S1PR1: variants seen among roughly 807,000 people sequenced by gnomAD.
S1PR1 encodes sphingosine 1-phosphate receptor 1.
S1PR1 carries 2 observed loss-of-function variants against 18.3 expected under a neutral mutation model. The observed-to-expected ratio is 0.11, with a 90% confidence interval of 0.04 to 0.34. The LOEUF (loss-of-function observed/expected upper bound fraction) is 0.34. Ranked by LOEUF, S1PR1 falls within the 10% of genes least tolerant of loss-of-function variation. S1PR1 has a pLI of 1.00. For synonymous variants in S1PR1, 222 were observed against 211.2 expected, an observed-to-expected ratio of 1.05 and a Z score of -0.44; for missense variants, 335 against 493.8, an observed-to-expected ratio of 0.68 and a Z score of 3.05.
chr1:101,238,882 C>T lies in S1PR1; in HGVS notation c.-103C>T, dbSNP rs1652794909. On this transcript the variant is annotated 5_prime_UTR_variant, in exon 2 of 2. Coordinates refer to ENST00000305352, the MANE Select transcript of S1PR1 (RefSeq NM_001400.5). Reference sequence around the variant, plus strand: ...AGCTACACAAAAAGCCTGGATCACTCATCGAACCACCCCTGAAGCCAGTGA... The same window carrying T: ...AGCTACACAAAAAGCCTGGATCACTTATCGAACCACCCCTGAAGCCAGTGA... 8.6e-7 allele frequency: 1 copy of T among 1,157,738 alleles called. No homozygotes were observed. Among genetic ancestry groups the T allele is most frequent in the Non-Finnish European group, 1.2e-6 (1 of 838,892 alleles). The allele number at this position is 1,157,738 out of a possible 1,614,324, so 71.7% of individuals were successfully genotyped here.
rs1172495787 is a variant in S1PR1, at chr1:101,241,318, T to C, written c.*1185T>C. ...CTTTTCAGTCCAGCTATTCATTAGA[T>C]AGTAATTGAAGATATGTATAAATAT... On this transcript the variant is annotated 3_prime_UTR_variant, in exon 2 of 2. Transcript: ENST00000305352. 1 of 167,228 alleles carries C rather than the reference T, an allele frequency of 6.0e-6. No homozygotes were observed. Among genetic ancestry groups the C allele is most frequent in the Non-Finnish European group, 1.5e-5 (1 of 68,120 alleles). The allele number at this position is 167,228 out of a possible 1,614,324, so 10.4% of individuals were successfully genotyped here.
At position 101,240,162 on chromosome 1, in the gene S1PR1, G is replaced by T. The variant is rs202216527; in HGVS notation, c.*29G>T. The T allele has an allele frequency of 2.4e-5, 38 of 1,611,310 alleles. No individual in the cohort carries two copies. In the East Asian group the frequency reaches 8.5e-4, roughly 36 times the overall value. ...TGGAAGCTGTCCACCCACCGGAAGC[G>T]CTCTTTACTTGGTCGCTGGCCACCC... On this transcript the variant is annotated 3_prime_UTR_variant, in exon 2 of 2. Coordinates refer to ENST00000305352, the MANE Select transcript of S1PR1 (RefSeq NM_001400.5).
Position 101,238,980 on chromosome 1 carries a change from G to A in S1PR1, c.-5G>A, listed in dbSNP as rs1195807314. The A allele has an allele frequency of 6.2e-7, 1 of 1,609,694 alleles. No homozygotes were observed. Among genetic ancestry groups the A allele is most frequent in the African/African-American group, 1.3e-5 (1 of 74,862 alleles). On this transcript the variant is annotated 5_prime_UTR_variant, in exon 2 of 2. Coordinates refer to ENST00000305352, the MANE Select transcript of S1PR1 (RefSeq NM_001400.5). ...CCGGCTTCCTGGGGACACAGGGTTGGCACCATGGGGCCCACCAGCGTCCCG... is the reference window on the plus strand; with the variant it reads ...CCGGCTTCCTGGGGACACAGGGTTGACACCATGGGGCCCACCAGCGTCCCG...
At chr1:101,237,731 C>G (rs1007831339) in intron 1 of S1PR1, among the ~76,000 whole-genome samples, 1 of 152,112 alleles carries the variant, frequency 6.6e-6, no homozygotes, top group African/African-American at 2.4e-5. Context: ...AAACTGCCCA[C>G]GCAAATTTAG....
chr1:101,240,048 C>T lies in S1PR1; in HGVS notation c.1064C>T (p.Ser355Leu), dbSNP rs1557708024. Residue 355 changes from serine (S) to leucine (L), a missense_variant, in exon 2 of 2, where the codon TCG becomes TTG. This residue lies in a region of S1PR1 where 90 missense variants were observed against 97.6 expected (regional missense o/e 0.92). Transcript: ENST00000305352. ...GGCATGGAATTCAGCCGCAGCAAATCGGACAATTCCTCCCACCCCCAGAAA... is the reference window on the plus strand; with the variant it reads ...GGCATGGAATTCAGCCGCAGCAAATTGGACAATTCCTCCCACCCCCAGAAA... ...IAGMEFSRSKSDNSSHPQKDE... is the reference protein window; with the variant it reads ...IAGMEFSRSKLDNSSHPQKDE... 1.9e-6 allele frequency: 3 copies of T among 1,613,690 alleles called. No individual in the cohort carries two copies. Among genetic ancestry groups the T allele is most frequent in the Non-Finnish European group, 2.5e-6 (3 of 1,180,054 alleles).
At position 101,240,255 on chromosome 1, in the gene S1PR1, G is replaced by A. The variant is rs900412823; in HGVS notation, c.*122G>A. ...GAGGAGCTGCTGCAAGCCAGAGGGA[G>A]GAAGGGGGAGAATACGAACAGCCTG... is the stretch of plus-strand genomic sequence containing the variant. On this transcript the variant is annotated 3_prime_UTR_variant, in exon 2 of 2. Transcript: ENST00000305352. The A allele has an allele frequency of 8.7e-6, 9 of 1,028,798 alleles. No individual in the cohort carries two copies. The highest frequency in any genetic ancestry group is 1.3e-5 in the Non-Finnish European group (9 of 697,846). 63.7% of individuals were successfully genotyped at this position (1,028,798 alleles called of 1,614,324 possible).
At chr1:101,241,570 T>C (rs12090529), downstream of S1PR1, 22,491 of 165,572 alleles carry the variant, frequency 0.14, 2,430 homozygotes, top group African/African-American at 0.27. Flanking sequence ...TCTACTGGAT[T>C]GTGTAGCTCT....
In S1PR1 at chr1:101,238,864, C is replaced by T. The variant is rs200531163; in HGVS notation, c.-121C>T. The T allele has an allele frequency of 3.1e-6, 3 of 960,746 alleles. No homozygotes were observed. The highest frequency in any genetic ancestry group is 4.5e-6 in the Non-Finnish European group (3 of 663,448). 59.5% of individuals were successfully genotyped at this position (960,746 alleles called of 1,614,324 possible). A position where few individuals can be genotyped will look rare whatever the true frequency, so the allele number is the denominator to read the frequency against. On this transcript the variant is annotated 5_prime_UTR_variant, in exon 2 of 2. Transcript: ENST00000305352. ...CCTCTCCAGCCAAGGAAAAGCTACA[C>T]AAAAAGCCTGGATCACTCATCGAAC...
Position 101,239,187 on chromosome 1 carries a change from T to G in S1PR1, c.203T>G (p.Leu68Arg). The change falls in exon 2 of 2, where the codon CTG becomes CGG. Residue 68 changes from leucine to arginine, a missense_variant. By Grantham distance (102) the Leu-to-Arg change is moderately radical (BLOSUM62 -2). This residue lies in a region of S1PR1 where 214 missense variants were observed against 366.6 expected (regional missense o/e 0.58). Transcript: ENST00000305352. This position sits in a 1 kb window ranked among gnomAD's most constrained non-coding sequence, Gnocchi z 6.3. The part of the protein sequence containing the change: ...FIILENIFVL[L>R]TIWKTKKFHR... ...ATCCTGGAGAACATCTTTGTCTTGC[T>G]GACCATTTGGAAAACCAAGAAATTC... 3 of 1,614,258 alleles carry G rather than the reference T, an allele frequency of 1.9e-6. No individual in the cohort carries two copies. The highest frequency in any genetic ancestry group is 2.5e-6 in the Non-Finnish European group (3 of 1,180,040).
In S1PR1 at chr1:101,239,249, C is replaced by G; in HGVS notation, c.265C>G (p.Leu89Val). 6.2e-7 allele frequency: 1 copy of G among 1,614,182 alleles called. No homozygotes were observed. The highest frequency in any genetic ancestry group is 8.5e-7 in the Non-Finnish European group (1 of 1,180,040). Residue 89 changes from leucine (L) to valine (V), a missense_variant, in exon 2 of 2, where the codon CTC becomes GTC. This residue lies in a region of S1PR1 where 214 missense variants were observed against 366.6 expected (regional missense o/e 0.58). Transcript: ENST00000305352. The surrounding 1 kb of genome is among the most constrained non-coding windows in gnomAD (Gnocchi z 6.3). Reference protein sequence around the residue: ...PMYYFIGNLALSDLLAGVAYT... With the variant: ...PMYYFIGNLAVSDLLAGVAYT... ...GTACTATTTTATTGGCAATCTGGCCCTCTCAGACCTGTTGGCAGGAGTAGC... is the reference window on the plus strand; with the variant it reads ...GTACTATTTTATTGGCAATCTGGCCGTCTCAGACCTGTTGGCAGGAGTAGC...
intron 1 of S1PR1, among the ~76,000 whole-genome samples, chr1:101,238,501 C>T (rs1289642819): frequency 6.6e-6 from 1 of 150,576 alleles, no homozygotes; most frequent in Non-Finnish European, 1.5e-5. Flanking sequence ...TCCCATTCCT[C>T]CCACTCCTTG....
downstream of S1PR1, among the ~76,000 whole-genome samples, chr1:101,241,911 A>G (rs112603224): frequency 4.8e-4 from 73 of 152,296 alleles, 1 homozygote; most frequent in African/African-American, 1.7e-3. Flanking sequence ...ATGAGACTCA[A>G]TCATCATTCA....
In S1PR1 at chr1:101,241,061, T is replaced by C. The variant is rs1403916138; in HGVS notation, c.*928T>C. 6.0e-6 allele frequency: 1 copy of C among 167,126 alleles called. No homozygotes were observed. Among genetic ancestry groups the C allele is most frequent in the Non-Finnish European group, 1.5e-5 (1 of 68,120 alleles). 10.4% of individuals were successfully genotyped at this position (167,126 alleles called of 1,614,324 possible). On this transcript the variant is annotated 3_prime_UTR_variant, in exon 2 of 2. Coordinates refer to ENST00000305352, the MANE Select transcript of S1PR1 (RefSeq NM_001400.5). ...AATATGACATCTGTCTTTGGCACTTTTGTTGATGTTTATTTCAGAATGTTG... is the reference window on the plus strand; with the variant it reads ...AATATGACATCTGTCTTTGGCACTTCTGTTGATGTTTATTTCAGAATGTTG...
intron 1 of S1PR1, 145 bp from the exon 2 acceptor site, chr1:101,238,677 T>TA (rs35016388): frequency 0.47 from 143,510 of 305,952 alleles, 34,560 homozygotes; most frequent in African/African-American, 0.6. Flanking sequence ...ATTTGATTTT[T>TA]AAAAAAAATC....
rs1431183170 is a variant in S1PR1, at chr1:101,241,148, T to C, written c.*1015T>C. On this transcript the variant is annotated 3_prime_UTR_variant, in exon 2 of 2. Coordinates refer to ENST00000305352, the MANE Select transcript of S1PR1 (RefSeq NM_001400.5). ...GTTGTGTTAAAAGTACTTTTCTTGATTTTTGAATGTATTTGTTTCAGCAGA... is the reference window on the plus strand; with the variant it reads ...GTTGTGTTAAAAGTACTTTTCTTGACTTTTGAATGTATTTGTTTCAGCAGA... The C allele has an allele frequency of 4.8e-5, 8 of 167,200 alleles. No individual in the cohort carries two copies. The highest frequency in any genetic ancestry group is 1.2e-4 in the African/African-American group (5 of 41,456). The allele number at this position is 167,200 out of a possible 1,614,324, so 10.4% of individuals were successfully genotyped here.
In S1PR1 at chr1:101,238,875, G is replaced by C. The variant is rs1387582600; in HGVS notation, c.-110G>C. 4.8e-6 allele frequency: 5 copies of C among 1,048,942 alleles called. No individual in the cohort carries two copies. Among genetic ancestry groups the C allele is most frequent in the Non-Finnish European group, 6.7e-6 (5 of 741,614 alleles). The allele number at this position is 1,048,942 out of a possible 1,614,324, so 65.0% of individuals were successfully genotyped here. On this transcript the variant is annotated 5_prime_UTR_variant, in exon 2 of 2. Coordinates refer to ENST00000305352, the MANE Select transcript of S1PR1 (RefSeq NM_001400.5). Reference sequence around the variant, plus strand: ...AAGGAAAAGCTACACAAAAAGCCTGGATCACTCATCGAACCACCCCTGAAG... The same window carrying C: ...AAGGAAAAGCTACACAAAAAGCCTGCATCACTCATCGAACCACCCCTGAAG...
At chr1:101,241,936 A>T (rs1408405653), downstream of S1PR1, among the ~76,000 whole-genome samples, 1 of 152,154 alleles carries the variant, frequency 6.6e-6, no homozygotes, top group African/African-American at 2.4e-5. Flanking sequence ...CCATCAAAAA[A>T]GCATACATTC....
Position 101,239,342 on chromosome 1 carries a change from C to A in S1PR1, c.358C>A (p.Arg120=), listed in dbSNP as rs747499118. The change falls in exon 2 of 2, where the codon CGG becomes AGG. Residue 120 remains arginine, a synonymous_variant. Coordinates refer to ENST00000305352, the MANE Select transcript of S1PR1 (RefSeq NM_001400.5). The surrounding 1 kb of genome is among the most constrained non-coding windows in gnomAD (Gnocchi z 6.3). The part of the protein sequence containing the change: ...YKLTPAQWFL[R]EGSMFVALSA... The stretch of plus-strand genomic sequence containing the variant: ...GCTCACTCCCGCCCAGTGGTTTCTG[C>A]GGGAAGGGAGTATGTTTGTGGCCCT... 1.1e-5 allele frequency: 17 copies of A among 1,614,168 alleles called. No individual in the cohort carries two copies. In the Admixed American group the frequency reaches 2.7e-4, roughly 25 times the overall value.
chr1:101,238,847 G>C lies in S1PR1; in HGVS notation c.-138G>C. On this transcript the variant is annotated 5_prime_UTR_variant, in exon 2 of 2. Transcript: ENST00000305352. ...GCTGCGGTTTCCGAGGCCCTCTCCA[G>C]CCAAGGAAAAGCTACACAAAAAGCC... 1 of 834,106 alleles carries C rather than the reference G, an allele frequency of 1.2e-6. No individual in the cohort carries two copies. The highest frequency in any genetic ancestry group is 1.8e-6 in the Non-Finnish European group (1 of 549,532). The allele number at this position is 834,106 out of a possible 1,614,324, so 51.7% of individuals were successfully genotyped here.
Sources: allele counts gnomAD v4.1 joint callset (sites outside exome capture counted in the v4.1 genomes callset), GRCh38; gene constraint gnomAD v4.1.1; regional missense constraint gnomAD v4.1.1; non-coding constraint Gnocchi (gnomAD v3.1); transcripts MANE v1.5; gene names NCBI Gene and HGNC (gene_info 2026-07-23, HGNC 2026-07-21).